UMODL1: variants seen among roughly 807,000 people sequenced by gnomAD.
UMODL1 encodes the protein uromodulin like 1.
In UMODL1, 128 loss-of-function variants were observed where a neutral mutation model predicts 136.3. That is an observed-to-expected ratio of 0.94 (90% CI 0.81 to 1.09). The LOEUF is 1.09. Among genes scored for constraint, UMODL1 ranks in the 50% least tolerant of loss-of-function variants. The probability of loss-of-function intolerance (pLI) is 0.00; values close to 1 mark genes in which losing one functional copy is unlikely to be tolerated. For synonymous variants in UMODL1, 721 were observed against 720.0 expected (o/e 1.00, Z -0.02); for missense variants, 1,766 against 1,725.6 (o/e 1.02, Z -0.41).
At chr21:42,128,660 G>A (rs1419292302) in intron 20 of UMODL1, among the ~76,000 whole-genome samples, 1 of 152,246 alleles carries the variant, frequency 6.6e-6, no homozygotes, top group Non-Finnish European at 1.5e-5. Flanking sequence ...ACAGCAGGCT[G>A]AGGGCCACAC....
intron 13 of UMODL1, 112 bp downstream of exon 13, chr21:42,113,942 GTTC>G (rs1342095275): frequency 1.4e-6 from 2 of 1,404,350 alleles, no homozygotes; most frequent in African/African-American, 1.5e-5. Flanking sequence ...AGGTGTCATT[GTTC>G]TTCTCAGCTT....
intron 9 of UMODL1, chr21:42,108,304 T>TG (rs1299461676): frequency 1.9e-6 from 1 of 522,276 alleles, no homozygotes; most frequent in African/African-American, 1.9e-5. Context: ...ACCTGTAGGC[T>TG]GGAGGTTGAG....
rs189241140 is a variant in UMODL1, at chr21:42,110,931, C to T, written c.1709C>T (p.Thr570Met). 7.9e-5 allele frequency: 127 copies of T among 1,612,750 alleles called. No individual in the cohort carries two copies. Among genetic ancestry groups the T allele is most frequent in the African/African-American group, 2.7e-4 (20 of 75,032 alleles). The stretch of plus-strand genomic sequence containing the variant: ...GGACTGTCTGCGGCAACAGGGGTAA[C>T]GGTCCCAGGTCTTGGCACGGGAACA... The part of the protein sequence containing the change: ...GGGLSAATGV[T>M]VPGLGTGTAA... Residue 570 changes from threonine (T) to methionine (M), a missense_variant, in exon 11 of 23, where the codon ACG (threonine) becomes ATG (methionine). By Grantham distance (81) the Thr-to-Met change is moderately conservative. Transcript: ENST00000408910.
Position 42,084,162 on chromosome 21 carries a change from G to A in UMODL1, c.398G>A (p.Cys133Tyr), listed in dbSNP as rs1257391942. The A allele has an allele frequency of 6.2e-7, 1 of 1,614,144 alleles. No individual in the cohort carries two copies. The highest frequency in any genetic ancestry group is 2.2e-5 in the East Asian group (1 of 44,882). Residue 133 changes from cysteine to tyrosine, a missense_variant, in exon 3 of 23, where the codon TGC (cysteine) becomes TAC (tyrosine). Transcript: ENST00000408910. ...AEGPEPSTSP[C>Y]SLDIDCPGLE... The stretch of plus-strand genomic sequence containing the variant: ...GGGCCTGAACCATCCACCTCCCCCT[G>A]CAGCTTGGACATCGACTGTCCTGGA...
At chr21:42,133,644 C>T (rs576552641) in intron 21 of UMODL1, among the ~76,000 whole-genome samples, 1 of 152,334 alleles carries the variant, frequency 6.6e-6, no homozygotes, top group African/African-American at 2.4e-5. Context: ...CATTGTAGGG[C>T]CAAGTCCTCC....
intron 6 of UMODL1, among the ~76,000 whole-genome samples, chr21:42,092,913 A>G (rs1349722539): frequency 6.6e-6 from 1 of 152,150 alleles, no homozygotes; most frequent in Non-Finnish European, 1.5e-5. Flanking sequence ...CTTGCATAAG[A>G]TCCCAAGGCT....
At chr21:42,106,999 C>CT (rs1445474386) in intron 9 of UMODL1, among the ~76,000 whole-genome samples, 2 of 152,296 alleles carry the variant, frequency 1.3e-5, no homozygotes, top group East Asian at 3.9e-4. Context: ...CCAGGATTAA[C>CT]TTTCATATCT....
At chr21:42,092,757 G>T (rs922455294) in intron 6 of UMODL1, among the ~76,000 whole-genome samples, 9 of 152,160 alleles carry the variant, frequency 5.9e-5, no homozygotes, top group African/African-American at 2.2e-4. Flanking sequence ...GCAGTTGCCC[G>T]CACTTCACGC....
intron 20 of UMODL1, among the ~76,000 whole-genome samples, chr21:42,128,476 G>T (rs1305279147): frequency 6.8e-6 from 1 of 148,062 alleles, no homozygotes; most frequent in Non-Finnish European, 1.5e-5. Flanking sequence ...CTCCTCGGAG[G>T]TAGTGCTTGT....
chr21:42,111,314 TCCAGCCAGGGGAGCC>T lies in UMODL1; in HGVS notation c.1900-167_1900-153del, dbSNP rs760516882. Reference sequence around the variant, plus strand: ...CCAGCGGAGCACCAGCCACGCGAACTCCAGCCAGGGGAGCCCCAGCCAGGGGAGCCCCAGCCAGGA... The same window carrying T: ...CCAGCGGAGCACCAGCCACGCGAACTCCAGCCAGGGGAGCCCCAGCCAGGA... On this transcript the variant is annotated intron_variant, in intron 11 of 22. Coordinates refer to ENST00000408910, the MANE Select transcript of UMODL1 (RefSeq NM_001004416.3). 174 of 1,319,456 alleles carry T rather than the reference TCCAGCCAGGGGAGCC, an allele frequency of 1.3e-4. 1 individual carries two copies. The highest frequency in any genetic ancestry group is 8.5e-4 in the South Asian group (59 of 69,286). The allele number at this position is 1,319,456 out of a possible 1,614,324, so 81.7% of individuals were successfully genotyped here.
intron 17 of UMODL1, 109 bp from the exon 18 acceptor site, chr21:42,126,236 G>T: frequency 1.3e-6 from 2 of 1,493,996 alleles, no homozygotes; most frequent in Non-Finnish European, 9.0e-7. Flanking sequence ...CTGGGGAGAG[G>T]CTTTAGAGAA....
intron 1 of UMODL1, among the ~76,000 whole-genome samples, chr21:42,073,031 CGTGT>C (rs774254202): frequency 1.7e-4 from 25 of 151,162 alleles, no homozygotes; most frequent in African/African-American, 4.4e-4. Flanking sequence ...TGCGCGCGCG[CGTGT>C]GTGTGTGTGC....
At chr21:42,116,100 A>G (rs2066898216) in intron 14 of UMODL1, 115 bp downstream of exon 14, 1 of 670,264 alleles carries the variant, frequency 1.5e-6, no homozygotes, top group Non-Finnish European at 2.4e-6. Context: ...TTTGGGAGGC[A>G]GAGGCGGGCA....
intron 6 of UMODL1, among the ~76,000 whole-genome samples, chr21:42,091,074 A>G (rs1009947007): frequency 6.6e-6 from 1 of 152,204 alleles, no homozygotes; most frequent in Non-Finnish European, 1.5e-5. Flanking sequence ...GGCACAGAAT[A>G]CACTTAGTTC....
chr21:42,084,437 C>T (rs1301363716), intron 3 of UMODL1, among the ~76,000 whole-genome samples, 192 bp downstream of exon 3: 3 of 152,110 alleles, frequency 2.0e-5, no homozygotes, highest in Non-Finnish European at 2.9e-5. Flanking sequence ...ACTGAACTCT[C>T]GGGGGAGAAA....
chr21:42,088,454 A>G lies in UMODL1; in HGVS notation c.764A>G (p.Tyr255Cys), dbSNP rs766044280. Reference sequence around the variant, plus strand: ...CTGGGTGACATTGCGAAGCGTGTCTATGAAGTGATCAGCGTCCAGGTGCAA... The same window carrying G: ...CTGGGTGACATTGCGAAGCGTGTCTGTGAAGTGATCAGCGTCCAGGTGCAA... ...TLLGDIAKRV[Y>C]EVISVQVQDV... The change falls in exon 5 of 23, where the codon TAT becomes TGT. Residue 255 changes from tyrosine (Y) to cysteine (C), a missense_variant. Physicochemically the swap from Tyr to Cys is radical, Grantham distance 194. Transcript: ENST00000408910. 1.2e-6 allele frequency: 2 copies of G among 1,607,308 alleles called. No homozygotes were observed. Among genetic ancestry groups the G allele is most frequent in the South Asian group, 2.2e-5 (2 of 90,956 alleles).
At chr21:42,121,005 T>G in intron 15 of UMODL1, 82 bp from the exon 16 acceptor site, 1 of 1,515,254 alleles carries the variant, frequency 6.6e-7, no homozygotes, top group Non-Finnish European at 8.9e-7. Context: ...GTCTGTGAGA[T>G]GCACTCTCCC....
chr21:42,137,204 G>A (rs1290554668), intron 21 of UMODL1, among the ~76,000 whole-genome samples: 4 of 152,230 alleles, frequency 2.6e-5, no homozygotes, highest in East Asian at 1.9e-4. Flanking sequence ...CTGGTCCCGC[G>A]CAGCCCCACC....
chr21:42,089,181 A>G (rs1423632281), intron 5 of UMODL1, among the ~76,000 whole-genome samples: 2 of 152,150 alleles, frequency 1.3e-5, no homozygotes, highest in African/African-American at 4.8e-5. Context: ...GGGCTCCCGT[A>G]CGGCTTCCTG....
Sources: allele counts gnomAD v4.1 joint callset (sites outside exome capture counted in the v4.1 genomes callset), GRCh38; gene constraint gnomAD v4.1.1; transcripts MANE v1.5; gene names NCBI Gene and HGNC (gene_info 2026-07-23, HGNC 2026-07-21).